The following VDAC1 variants were observed in gnomAD, a reference collection of about 807,000 sequenced individuals.
VDAC1 encodes the protein non-selective voltage-gated ion channel VDAC1.
VDAC1 carries 10 observed loss-of-function variants against 34.7 expected under a neutral mutation model. That is an observed-to-expected ratio of 0.29 (90% CI 0.18 to 0.49). VDAC1 has a LOEUF of 0.49. Among genes scored for constraint, VDAC1 ranks in the 20% least tolerant of loss-of-function variants. The pLI is 0.99. For synonymous variants in VDAC1, 130 were observed against 136.0 expected (o/e 0.96, Z 0.30); for missense variants, 230 against 347.9 (o/e 0.66, Z 2.69).
chr5:134,084,110 C>T, the VDAC1 span, among the ~76,000 whole-genome samples: 3,021 of 152,240 alleles, frequency 0.02, 85 homozygotes, highest in African/African-American at 0.068. Context: ...TAAGAAAATG[C>T]ATGTAGAGCA....
At chr5:134,026,111 G>A in the VDAC1 span, among the ~76,000 whole-genome samples, 3 of 152,082 alleles carry the variant, frequency 2.0e-5, no homozygotes, top group South Asian at 4.1e-4. Flanking sequence ...ATGCAAATCC[G>A]AACATCCAAG....
At chr5:134,069,648 G>A in the VDAC1 span, among the ~76,000 whole-genome samples, 6 of 152,114 alleles carry the variant, frequency 3.9e-5, no homozygotes, top group East Asian at 1.9e-4. Context: ...GCTTCTCAGC[G>A]TTTCTCTTTA....
chr5:134,005,846 TCAA>T (rs1337748356), upstream of VDAC1, among the ~76,000 whole-genome samples: 3 of 152,204 alleles, frequency 2.0e-5, no homozygotes, highest in African/African-American at 7.2e-5. Context: ...TCGCCTTTGA[TCAA>T]CAAACGTCCT....
At chr5:134,021,414 A>G in the VDAC1 span, among the ~76,000 whole-genome samples, 1,584 of 146,696 alleles carry the variant, frequency 0.011, 25 homozygotes, top group African/African-American at 0.037. Context: ...CTCCGTTTCC[A>G]CCTCTGAGTG....
chr5:134,060,364 G>A, the VDAC1 span, among the ~76,000 whole-genome samples: 15 of 152,070 alleles, frequency 9.9e-5, no homozygotes, highest in African/African-American at 3.6e-4. Flanking sequence ...CCAGGAAGGT[G>A]CTCAGGAAAT....
At chr5:134,013,923 CAG>C in the VDAC1 span, among the ~76,000 whole-genome samples, 1 of 151,154 alleles carries the variant, frequency 6.6e-6, no homozygotes, top group Non-Finnish European at 1.5e-5. Context: ...GCCTGGGTGA[CAG>C]AGTGAGACTC....
intron 6 of VDAC1, 85 bp from the exon 7 acceptor site, chr5:133,976,106 C>T (rs1254870756): frequency 6.5e-7 from 1 of 1,548,512 alleles, no homozygotes; most frequent in African/African-American, 1.4e-5. Context: ...TCCCAGAAGA[C>T]AGGGATGACA....
chr5:134,028,796 C>T, the VDAC1 span, among the ~76,000 whole-genome samples: 4 of 152,172 alleles, frequency 2.6e-5, no homozygotes, highest in Non-Finnish European at 5.9e-5. Flanking sequence ...ATTCCTAGGC[C>T]CTGTATCATC....
At chr5:134,107,227 A>C in the VDAC1 span, among the ~76,000 whole-genome samples, 1 of 152,218 alleles carries the variant, frequency 6.6e-6, no homozygotes, top group African/African-American at 2.4e-5. Flanking sequence ...GGGACTGCTC[A>C]CAGCCTCAGA....
chr5:133,982,834 G>A lies in VDAC1; in HGVS notation c.324-1878C>T, dbSNP rs1752751383. Reference sequence around the variant, plus strand: ...GAACCCAGGAGGTGGAGGTTGCAGTGAGCCAAGACCGCGCCACTGCACTCC... The same window carrying A: ...GAACCCAGGAGGTGGAGGTTGCAGTAAGCCAAGACCGCGCCACTGCACTCC... On this transcript the variant is annotated intron_variant, in intron 5 of 8. Transcript: ENST00000265333. Among the ~76,000 whole-genome samples, 7 of 147,882 alleles carry A rather than the reference G, an allele frequency of 4.7e-5. No homozygotes were observed. In the South Asian group the frequency reaches 1.5e-3, roughly 32 times the overall value.
the VDAC1 span, among the ~76,000 whole-genome samples, chr5:134,097,270 A>T: frequency 6.6e-6 from 1 of 152,224 alleles, no homozygotes; most frequent in East Asian, 1.9e-4. Flanking sequence ...ATTAATTTAC[A>T]ATAAAAGAAA....
intron 6 of VDAC1, among the ~76,000 whole-genome samples, chr5:133,977,252 T>C (rs766127531): frequency 6.6e-6 from 1 of 152,096 alleles, no homozygotes; most frequent in Non-Finnish European, 1.5e-5. Context: ...AAGAGCTTAA[T>C]CCACAATTCA....
intron 1 of VDAC1, 58 bp downstream of exon 1, chr5:134,004,837 C>G (rs373931816): frequency 1.3e-5 from 2 of 150,980 alleles, no homozygotes; most frequent in Admixed American, 6.6e-5. Context: ...AGGCCCCGCC[C>G]GGGACAGCGT....
At chr5:134,036,143 C>A in the VDAC1 span, among the ~76,000 whole-genome samples, 1 of 152,168 alleles carries the variant, frequency 6.6e-6, no homozygotes, top group East Asian at 1.9e-4. Flanking sequence ...CCATCTATTT[C>A]CTCACAAGAT....
chr5:133,980,467 T>C (rs1752646344), intron 6 of VDAC1, among the ~76,000 whole-genome samples: 2 of 152,078 alleles, frequency 1.3e-5, no homozygotes, highest in African/African-American at 4.8e-5. Context: ...CTGCTGTAAT[T>C]AATCAGCCAC....
chr5:133,993,138 A>G (rs1240663904), intron 1 of VDAC1, 120 bp from the exon 2 acceptor site: 3 of 1,042,900 alleles, frequency 2.9e-6, no homozygotes, highest in Non-Finnish European at 4.1e-6. Context: ...TAAGACTACC[A>G]GGTAGCTTAT....
chr5:133,978,157 T>C (rs2126908962), intron 6 of VDAC1, among the ~76,000 whole-genome samples: 1 of 149,368 alleles, frequency 6.7e-6, no homozygotes, highest in South Asian at 2.1e-4. Context: ...AGAGAATACA[T>C]TCTAAATTTT....
At chr5:133,999,029 T>G (rs917773689) in intron 1 of VDAC1, among the ~76,000 whole-genome samples, 2 of 151,958 alleles carry the variant, frequency 1.3e-5, no homozygotes, top group Non-Finnish European at 2.9e-5. Context: ...TTCAGGCATG[T>G]GCCAGGCATG....
At chr5:134,091,324 T>C in the VDAC1 span, among the ~76,000 whole-genome samples, 87 of 152,268 alleles carry the variant, frequency 5.7e-4, no homozygotes, top group African/African-American at 2.0e-3. Context: ...TATTCCAACG[T>C]AGGGTAACCA....
Sources: allele counts gnomAD v4.1 joint callset (sites outside exome capture counted in the v4.1 genomes callset), GRCh38; gene constraint gnomAD v4.1.1; transcripts MANE v1.5; gene names NCBI Gene and HGNC (gene_info 2026-07-23, HGNC 2026-07-21).